BACE1: variants seen among roughly 807,000 people sequenced by gnomAD.
BACE1 encodes the protein APP beta-secretase.
BACE1 carries 21 observed loss-of-function variants against 54.0 expected under a neutral mutation model. That is an observed-to-expected ratio of 0.39 (90% CI 0.28 to 0.56). The LOEUF is 0.56. Among genes scored for constraint, BACE1 ranks in the 20% least tolerant of loss-of-function variants. The pLI is 0.63. For synonymous variants in BACE1, 232 were observed against 260.9 expected, an observed-to-expected ratio of 0.89 and a Z score of 1.07; for missense variants, 511 against 661.2, an observed-to-expected ratio of 0.77 and a Z score of 2.49.
chr11:117,297,494 C>G lies in BACE1; in HGVS notation c.262-533G>C, dbSNP rs28920168. Among the ~76,000 whole-genome samples the G allele has an allele frequency of 2.2e-3, 328 of 152,258 alleles. 1 individual carries two copies. The highest frequency in any genetic ancestry group is 4.0e-3 in the Non-Finnish European group (271 of 68,016). Reference sequence around the variant, plus strand: ...AATTAGCTGGACATGGTGGCACATGCCTGTAGTCCCAGCTACTCAGGAGGC... The same window carrying G: ...AATTAGCTGGACATGGTGGCACATGGCTGTAGTCCCAGCTACTCAGGAGGC... On this transcript the variant is annotated intron_variant, in intron 1 of 8. Transcript: ENST00000313005.
Position 117,289,396 on chromosome 11 carries a change from A to C in BACE1, c.*170T>G, listed in dbSNP as rs1393921509. The C allele has an allele frequency of 8.7e-7, 1 of 1,151,796 alleles. No individual in the cohort carries two copies. The highest frequency in any genetic ancestry group is 2.6e-5 in the East Asian group (1 of 38,510). The allele number at this position is 1,151,796 out of a possible 1,614,324, so 71.3% of individuals were successfully genotyped here. A position where few individuals can be genotyped will look rare whatever the true frequency, so the allele number is the denominator to read the frequency against. ...TGTTTCCTACAGGTACAGTCCCTGG[A>C]ACCCACCTTGCCAGCCTTTTCCTTC... On this transcript the variant is annotated 3_prime_UTR_variant, in exon 9 of 9. Transcript: ENST00000313005.
chr11:117,303,943 C>G (rs1043577088), intron 1 of BACE1, among the ~76,000 whole-genome samples: 1 of 152,230 alleles, frequency 6.6e-6, no homozygotes, highest in Admixed American at 6.5e-5. Context: ...AAAGCTAGGA[C>G]AAGAATCCGT....
At position 117,315,474 on chromosome 11, in the gene BACE1, C is replaced by T. The variant is rs2035084500; in HGVS notation, c.261+61G>A. On this transcript the variant is annotated intron_variant, in intron 1 of 8. Coordinates refer to ENST00000313005, the MANE Select transcript of BACE1 (RefSeq NM_012104.6). The surrounding 1 kb of genome is among the most constrained non-coding windows in gnomAD (Gnocchi z 5.5). Reference sequence around the variant, plus strand: ...GAGCAGGGGCTAGCTTGAGGCATCCCCATCCTGTCTCCCCTCTGCTCATGC... The same window carrying T: ...GAGCAGGGGCTAGCTTGAGGCATCCTCATCCTGTCTCCCCTCTGCTCATGC... The T allele has an allele frequency of 1.3e-6, 2 of 1,543,916 alleles. No homozygotes were observed. The highest frequency in any genetic ancestry group is 2.9e-5 in the African/African-American group (2 of 69,688).
intron 1 of BACE1, among the ~76,000 whole-genome samples, chr11:117,306,592 GAGGTC>G (rs1202457825): frequency 6.6e-6 from 1 of 152,156 alleles, no homozygotes; most frequent in Non-Finnish European, 1.5e-5. Context: ...CGGATCACTT[GAGGTC>G]AAGGAGTTTG....
chr11:117,297,206 C>T (rs2034621663), intron 1 of BACE1: 1 of 453,220 alleles, frequency 2.2e-6, no homozygotes. Context: ...TGCTGAAAAA[C>T]CAACTGAAAA....
At chr11:117,290,419 TACTA>T (rs2034388840) in intron 8 of BACE1, 65 bp downstream of exon 8, 1 of 1,564,476 alleles carries the variant, frequency 6.4e-7, no homozygotes, top group African/African-American at 1.4e-5. Flanking sequence ...GACCCAGGTA[TACTA>T]ACTGTTGTTT....
In BACE1 at chr11:117,288,749, C is replaced by G. The variant is rs1259279113; in HGVS notation, c.*817G>C. The G allele has an allele frequency of 2.0e-5, 3 of 152,314 alleles. No individual in the cohort carries two copies. Among genetic ancestry groups the G allele is most frequent in the Non-Finnish European group, 4.4e-5 (3 of 68,032 alleles). 9.4% of individuals were successfully genotyped at this position (152,314 alleles called of 1,614,324 possible). A position where few individuals can be genotyped will look rare whatever the true frequency, so the allele number is the denominator to read the frequency against. On this transcript the variant is annotated 3_prime_UTR_variant, in exon 9 of 9. Transcript: ENST00000313005. ...AAGTGGAACTTCTTAGTGGGCACTTCATTTAAGAGAGCTAAAAAAGAGCTC... is the reference window on the plus strand; with the variant it reads ...AAGTGGAACTTCTTAGTGGGCACTTGATTTAAGAGAGCTAAAAAAGAGCTC...
At chr11:117,297,872 T>G (rs1373298877) in intron 1 of BACE1, among the ~76,000 whole-genome samples, 1 of 152,192 alleles carries the variant, frequency 6.6e-6, no homozygotes, top group African/African-American at 2.4e-5. Context: ...CAGATGCAAA[T>G]CTCCCTCAAA....
At position 117,289,320 on chromosome 11, in the gene BACE1, G is replaced by T. The variant is rs1565354678; in HGVS notation, c.*246C>A. On this transcript the variant is annotated 3_prime_UTR_variant, in exon 9 of 9. Transcript: ENST00000313005. ...CAGCAGAATTTCCCGACTTAAATTT[G>T]AGGTGACCAAGAGTATTCCCGCCAG... 2 of 496,858 alleles carry T rather than the reference G, an allele frequency of 4.0e-6. No individual in the cohort carries two copies. The highest frequency in any genetic ancestry group is 7.0e-6 in the Non-Finnish European group (2 of 287,438). The allele number at this position is 496,858 out of a possible 1,614,324, so 30.8% of individuals were successfully genotyped here. A position where few individuals can be genotyped will look rare whatever the true frequency, so the allele number is the denominator to read the frequency against.
chr11:117,307,704 G>A (rs2034860954), intron 1 of BACE1, among the ~76,000 whole-genome samples: 1 of 152,142 alleles, frequency 6.6e-6, no homozygotes, highest in Admixed American at 6.6e-5. Context: ...TGCTTTTAGA[G>A]AGAGCACAGT....
intron 5 of BACE1, 152 bp from the exon 6 acceptor site, chr11:117,291,965 C>G: frequency 3.8e-6 from 2 of 528,568 alleles, no homozygotes; most frequent in Non-Finnish European, 7.0e-6. Context: ...ACCTCTGTGC[C>G]TCAGTTCCTT....
chr11:117,316,065 G>T lies in BACE1; in HGVS notation c.-270C>A, dbSNP rs2035110874. ...GCGGCGGCCAGCCTGGGCAGCGGGCGCGGGCTCCCGGCGGGGCTGGGAGGG... is the reference window on the plus strand; with the variant it reads ...GCGGCGGCCAGCCTGGGCAGCGGGCTCGGGCTCCCGGCGGGGCTGGGAGGG... On this transcript the variant is annotated 5_prime_UTR_variant, in exon 1 of 9. Coordinates refer to ENST00000313005, the MANE Select transcript of BACE1 (RefSeq NM_012104.6). The T allele has an allele frequency of 2.5e-6, 1 of 396,452 alleles. No individual in the cohort carries two copies. The highest frequency in any genetic ancestry group is 4.4e-6 in the Non-Finnish European group (1 of 225,542). The allele number at this position is 396,452 out of a possible 1,614,324, so 24.6% of individuals were successfully genotyped here.
rs1409004784 is a variant in BACE1, at chr11:117,289,587, A to G, written c.1485T>C (p.Asp495=). 1.9e-6 allele frequency: 3 copies of G among 1,614,112 alleles called. No individual in the cohort carries two copies. Among genetic ancestry groups the G allele is most frequent in the Admixed American group, 1.7e-5 (1 of 60,010 alleles). Residue 495 remains aspartate (D), a synonymous_variant, in exon 9 of 9, where the codon GAT becomes GAC. Coordinates refer to ENST00000313005, the MANE Select transcript of BACE1 (RefSeq NM_012104.6). ...CLRQQHDDFA[D]DISLLK ...CTCCTCACTTCAGCAGGGAGATGTCATCAGCAAAGTCATCATGCTGCTGGC... is the reference window on the plus strand; with the variant it reads ...CTCCTCACTTCAGCAGGGAGATGTCGTCAGCAAAGTCATCATGCTGCTGGC...
chr11:117,287,923 A>AG lies in BACE1; in HGVS notation c.*1642dup, dbSNP rs2034305244. 1 of 152,632 alleles carries AG rather than the reference A, an allele frequency of 6.6e-6. No homozygotes were observed. Among genetic ancestry groups the AG allele is most frequent in the South Asian group, 2.1e-4 (1 of 4,832 alleles). 9.5% of individuals were successfully genotyped at this position (152,632 alleles called of 1,614,324 possible). A position where few individuals can be genotyped will look rare whatever the true frequency, so the allele number is the denominator to read the frequency against. Reference sequence around the variant, plus strand: ...TCCCTTATCAGGTAATTCCACACTTAGCAGGTCCCATACCTGGAAGCAGCG... The same window carrying AG: ...TCCCTTATCAGGTAATTCCACACTTAGGCAGGTCCCATACCTGGAAGCAGCG... On this transcript the variant is annotated 3_prime_UTR_variant, in exon 9 of 9. Coordinates refer to ENST00000313005, the MANE Select transcript of BACE1 (RefSeq NM_012104.6).
chr11:117,291,676 T>G, intron 6 of BACE1, 36 bp downstream of exon 6: 1 of 1,464,622 alleles, frequency 6.8e-7, no homozygotes, highest in Non-Finnish European at 9.6e-7. Flanking sequence ...TCTGACACTG[T>G]ACCATCTCTT....
intron 1 of BACE1, among the ~76,000 whole-genome samples, chr11:117,300,001 C>T (rs1032861058): frequency 6.6e-6 from 1 of 152,088 alleles, no homozygotes; most frequent in Non-Finnish European, 1.5e-5. Context: ...GGAGCTTTGA[C>T]CTGGGGGCTC....
intron 1 of BACE1, among the ~76,000 whole-genome samples, chr11:117,297,957 C>T (rs1280634468): frequency 6.6e-6 from 1 of 152,122 alleles, no homozygotes; most frequent in Non-Finnish European, 1.5e-5. Flanking sequence ...GTAGTATATT[C>T]TGGGGTAAAA....
At position 117,293,015 on chromosome 11, in the gene BACE1, AC is replaced by A; in HGVS notation, c.840+38del. The A allele has an allele frequency of 1.2e-6, 2 of 1,608,378 alleles. No homozygotes were observed. Among genetic ancestry groups the A allele is most frequent in the Middle Eastern group, 1.7e-4 (1 of 6,030 alleles). On this transcript the variant is annotated intron_variant, in intron 5 of 8. Coordinates refer to ENST00000313005, the MANE Select transcript of BACE1 (RefSeq NM_012104.6). This position sits in a 1 kb window ranked among gnomAD's most constrained non-coding sequence, Gnocchi z 4.1. ...AGTCTTCCTTCACATTGTACTGCCT[AC>A]CCCCTTATGTTCCCAGGCTCTCCCT...
At chr11:117,307,972 T>TA (rs1168094434) in intron 1 of BACE1, among the ~76,000 whole-genome samples, 1 of 119,028 alleles carries the variant, frequency 8.4e-6, no homozygotes, top group Non-Finnish European at 1.7e-5. Flanking sequence ...AACTCTTTTT[T>TA]AAAAAAATAT....
Sources: gnomAD v4.1 joint callset for allele counts (sites outside exome capture counted in the v4.1 genomes callset) on GRCh38, gnomAD v4.1.1 for gene constraint, Gnocchi (gnomAD v3.1) non-coding constraint, MANE v1.5 for transcripts, NCBI Gene and HGNC (gene_info 2026-07-23, HGNC 2026-07-21) for gene names.